The following GLI2 variants were observed in gnomAD, a reference collection of about 807,000 sequenced individuals.
The protein encoded by GLI2 is GLI family zinc finger 2, also known as transcription activator GLI2.
A neutral mutation model predicts 78.9 loss-of-function variants in GLI2; 22 were observed. The observed-to-expected ratio is 0.28, with a 90% confidence interval of 0.20 to 0.40. The LOEUF (loss-of-function observed/expected upper bound fraction) is 0.40. Ranked by LOEUF, GLI2 falls within the 10% of genes least tolerant of loss-of-function variation. GLI2 has a pLI of 1.00. For synonymous variants in GLI2, 974 were observed against 963.7 expected, an observed-to-expected ratio of 1.01 and a Z score of -0.20; for missense variants, 2,097 against 2,213.2, an observed-to-expected ratio of 0.95 and a Z score of 1.05.
intron 1 of GLI2, among the ~76,000 whole-genome samples, chr2:120,752,425 A>G (rs1682905100): frequency 6.6e-6 from 1 of 151,946 alleles, no homozygotes; most frequent in African/African-American, 2.4e-5. Context: ...ATCTGCCACG[A>G]TGCTCGGCTA....
intron 2 of GLI2, among the ~76,000 whole-genome samples, chr2:120,848,075 A>T (rs1220896514): frequency 1.3e-5 from 2 of 152,226 alleles, no homozygotes; most frequent in African/African-American, 2.4e-5. Flanking sequence ...GGGAGAAGGC[A>T]TGAATAATGC....
chr2:120,899,526 T>A (rs922576561), intron 2 of GLI2, among the ~76,000 whole-genome samples: 14 of 152,290 alleles, frequency 9.2e-5, no homozygotes, highest in Admixed American at 2.0e-4. Context: ...TAGCTGAGCC[T>A]GCGCAAGGCC....
At chr2:120,966,512 G>A (rs575274210) in intron 5 of GLI2, among the ~76,000 whole-genome samples, 323 of 151,898 alleles carry the variant, frequency 2.1e-3, no homozygotes, top group Non-Finnish European at 3.8e-3. Flanking sequence ...CATGAAAGAG[G>A]CTGTTAGGAG....
chr2:120,912,417 C>T (rs891096159), intron 2 of GLI2, among the ~76,000 whole-genome samples: 1 of 152,074 alleles, frequency 6.6e-6, no homozygotes, highest in African/African-American at 2.4e-5. Flanking sequence ...TTCTGTGTCT[C>T]AGTTTCTGAA....
chr2:120,931,435 C>T (rs1261649961), intron 3 of GLI2, among the ~76,000 whole-genome samples: 1 of 152,186 alleles, frequency 6.6e-6, no homozygotes, highest in African/African-American at 2.4e-5. Context: ...ATTTCAAGAT[C>T]TTTAAAGTAG....
At chr2:120,945,850 T>A (rs1193875783) in intron 3 of GLI2, among the ~76,000 whole-genome samples, 1 of 152,030 alleles carries the variant, frequency 6.6e-6, no homozygotes, top group Non-Finnish European at 1.5e-5. Flanking sequence ...TCACCTGGGC[T>A]CAGGTCATGT....
At position 120,738,981 on chromosome 2, in the gene GLI2, G is replaced by A. The variant is rs1034874350; in HGVS notation, c.-31+2696G>A. ...AGGGATGCTCTGGTCCACTGGTGGAGAGAGCACCGAATGCAGAGTCAATCC... is the reference window on the plus strand; with the variant it reads ...AGGGATGCTCTGGTCCACTGGTGGAAAGAGCACCGAATGCAGAGTCAATCC... On this transcript the variant is annotated intron_variant, in intron 1 of 13. Transcript: ENST00000361492. 5.9e-5 allele frequency among the ~76,000 whole-genome samples: 9 copies of A among 152,018 alleles called. 1 individual carries two copies. The highest frequency in any genetic ancestry group is 6.8e-3 in the Middle Eastern group (2 of 292).
intron 2 of GLI2, among the ~76,000 whole-genome samples, chr2:120,916,571 G>T (rs970281267): frequency 2.6e-5 from 4 of 152,270 alleles, no homozygotes; most frequent in African/African-American, 9.6e-5. Flanking sequence ...TCCAGCTGTG[G>T]CAGTGGCTTA....
rs1315575339 is a variant in GLI2, at chr2:120,736,047, C to T, written c.-269C>T. 2.6e-5 allele frequency among the ~76,000 whole-genome samples: 4 copies of T among 151,470 alleles called. No individual in the cohort carries two copies. Among genetic ancestry groups the T allele is most frequent in the African/African-American group, 9.7e-5 (4 of 41,288 alleles). On this transcript the variant is annotated 5_prime_UTR_variant, in exon 1 of 14. Transcript: ENST00000361492. ...GAGCCGGAGGAAAGAGCTTGGGCCG[C>T]GCGGCGCGCCGCAGCCTCGGGGAGC...
intron 3 of GLI2, among the ~76,000 whole-genome samples, chr2:120,948,093 C>A (rs1680800630): frequency 6.6e-6 from 1 of 152,162 alleles, no homozygotes. Context: ...TGTGATGGGG[C>A]GGGTAGTGCC....
At chr2:120,751,995 C>G (rs535314658) in intron 1 of GLI2, among the ~76,000 whole-genome samples, 1 of 152,276 alleles carries the variant, frequency 6.6e-6, no homozygotes, top group South Asian at 2.1e-4. Context: ...AAGGTTAAAC[C>G]TGCAGAAATG....
chr2:120,855,807 G>T (rs1023002244), intron 2 of GLI2, among the ~76,000 whole-genome samples: 5 of 152,176 alleles, frequency 3.3e-5, no homozygotes, highest in African/African-American at 1.2e-4. Context: ...CAGCTGGTAA[G>T]GGGTGGAGCA....
intron 10 of GLI2, among the ~76,000 whole-genome samples, chr2:120,982,245 G>A (rs1357189719): frequency 1.3e-5 from 2 of 152,166 alleles, no homozygotes; most frequent in South Asian, 2.1e-4. Context: ...GAGGGTGGCC[G>A]ACTCACTCAA....
intron 1 of GLI2, among the ~76,000 whole-genome samples, chr2:120,782,952 G>T (rs1392293042): frequency 2.0e-5 from 3 of 152,194 alleles, no homozygotes; most frequent in Non-Finnish European, 4.4e-5. Context: ...TACCTGGTGG[G>T]CTCCCTTGGC....
intron 1 of GLI2, among the ~76,000 whole-genome samples, chr2:120,744,672 G>A (rs187696749): frequency 6.6e-6 from 1 of 152,166 alleles, no homozygotes; most frequent in Admixed American, 6.5e-5. Context: ...GATTCCTTTA[G>A]AATTAGATTT....
chr2:120,896,746 C>T (rs929876608), intron 2 of GLI2, among the ~76,000 whole-genome samples: 6 of 145,766 alleles, frequency 4.1e-5, no homozygotes, highest in Non-Finnish European at 3.0e-5. Flanking sequence ...CAGCCTTCTT[C>T]GGAGGCCTTG....
chr2:120,757,298 T>A (rs998090726), intron 1 of GLI2, among the ~76,000 whole-genome samples: 5 of 152,232 alleles, frequency 3.3e-5, no homozygotes, highest in Non-Finnish European at 5.9e-5. Context: ...TTATTGGATG[T>A]TGAATATTTT....
intron 1 of GLI2, among the ~76,000 whole-genome samples, chr2:120,771,190 G>A (rs1352210010): frequency 3.9e-5 from 6 of 152,224 alleles, no homozygotes; most frequent in African/African-American, 1.4e-4. Flanking sequence ...TGAGGAGGCG[G>A]GCCGGCACAG....
In GLI2 at chr2:120,937,890, C is replaced by T. The variant is rs559421590; in HGVS notation, c.254+10424C>T. Among the ~76,000 whole-genome samples, 317 of 152,268 alleles carry T rather than the reference C, an allele frequency of 2.1e-3. 1 individual carries two copies. Among genetic ancestry groups the T allele is most frequent in the Admixed American group, 5.1e-3 (78 of 15,300 alleles). On this transcript the variant is annotated intron_variant, in intron 3 of 13. Transcript: ENST00000361492. ...GTGGAGGAGTTTCTATCCAGCCCGCCGGCCACCCAGGCCCTTTCTCATCAC... is the reference window on the plus strand; with the variant it reads ...GTGGAGGAGTTTCTATCCAGCCCGCTGGCCACCCAGGCCCTTTCTCATCAC...
Sources: gnomAD v4.1 joint callset for allele counts (sites outside exome capture counted in the v4.1 genomes callset) on GRCh38, gnomAD v4.1.1 for gene constraint, MANE v1.5 for transcripts, NCBI Gene and HGNC (gene_info 2026-07-23, HGNC 2026-07-21) for gene names.